The following ENTREP1 variants were observed in gnomAD, a reference collection of about 807,000 sequenced individuals.
ENTREP1 encodes the protein endosomal transmembrane epsin interactor 1.
the ENTREP1 span, among the ~76,000 whole-genome samples, chr9:69,371,037 A>T: frequency 1.3e-5 from 2 of 152,186 alleles, no homozygotes; most frequent in Non-Finnish European, 2.9e-5. Context: ...ACTGAAAAAA[A>T]GACCCATTTT....
the ENTREP1 span, among the ~76,000 whole-genome samples, chr9:69,349,338 G>A: frequency 2.6e-5 from 4 of 151,920 alleles, no homozygotes; most frequent in South Asian, 4.2e-4. Context: ...CATGTTTAAC[G>A]TTTTGAGAAA....
chr9:69,383,581 G>A, the ENTREP1 span: 501 of 1,610,236 alleles, frequency 3.1e-4, 1 homozygote, highest in Non-Finnish European at 4.1e-4. Context: ...CTGCAGTCAC[G>A]TGGCCAGTCT....
the ENTREP1 span, among the ~76,000 whole-genome samples, chr9:69,366,941 G>A: frequency 6.6e-6 from 1 of 151,940 alleles, no homozygotes; most frequent in East Asian, 1.9e-4. Context: ...TTTTGAGACA[G>A]GTTGTTGGCC....
chr9:69,383,194 A>G, the ENTREP1 span: 1 of 858,706 alleles, frequency 1.2e-6, no homozygotes, highest in Non-Finnish European at 1.4e-6. Context: ...AATGAAATTA[A>G]CCAAAGTATA....
the ENTREP1 span, chr9:69,380,192 T>G: frequency 2.0e-5 from 3 of 152,224 alleles, no homozygotes; most frequent in Non-Finnish European, 4.4e-5. Context: ...TTTTTGGAAA[T>G]TTTACCAATA....
the ENTREP1 span, among the ~76,000 whole-genome samples, chr9:69,362,451 A>G: frequency 6.6e-6 from 1 of 152,226 alleles, no homozygotes; most frequent in African/African-American, 2.4e-5. Flanking sequence ...GCTGAGATGA[A>G]TTCAAAATAC....
the ENTREP1 span, among the ~76,000 whole-genome samples, chr9:69,362,725 A>G: frequency 6.6e-6 from 1 of 152,100 alleles, no homozygotes; most frequent in Non-Finnish European, 1.5e-5. Context: ...GGAAAGGCAG[A>G]CCCACCTTTA....
At chr9:69,375,987 T>G in the ENTREP1 span, 1 of 996,912 alleles carries the variant, frequency 1.0e-6, no homozygotes, top group Non-Finnish European at 1.5e-6. Flanking sequence ...TGAAAGCGCA[T>G]GTGAGTGACC....
chr9:69,383,947 G>A, the ENTREP1 span: 1 of 1,613,076 alleles, frequency 6.2e-7, no homozygotes, highest in Non-Finnish European at 8.5e-7. Flanking sequence ...TGTGATGCAG[G>A]GATCTTCATT....
At chr9:69,340,817 G>A in the ENTREP1 span, among the ~76,000 whole-genome samples, 2 of 151,282 alleles carry the variant, frequency 1.3e-5, no homozygotes, top group Non-Finnish European at 1.5e-5. Context: ...GTGTGTATGT[G>A]TGTGTGTGTG....
chr9:69,369,490 A>G, the ENTREP1 span, among the ~76,000 whole-genome samples: 1 of 152,006 alleles, frequency 6.6e-6, no homozygotes, highest in South Asian at 2.1e-4. Context: ...CCTCTCCAGC[A>G]TTTGTTGTTT....
At chr9:69,339,104 C>G in the ENTREP1 span, among the ~76,000 whole-genome samples, 3 of 152,116 alleles carry the variant, frequency 2.0e-5, no homozygotes, top group Non-Finnish European at 4.4e-5. Context: ...ATTGCAGCCT[C>G]AAACTCCTGG....
At chr9:69,375,112 A>G in the ENTREP1 span, among the ~76,000 whole-genome samples, 1 of 152,312 alleles carries the variant, frequency 6.6e-6, no homozygotes, top group South Asian at 2.1e-4. Flanking sequence ...AGACTGGCTC[A>G]CTCCAGAGGT....
the ENTREP1 span, among the ~76,000 whole-genome samples, chr9:69,343,816 T>G: frequency 1.3e-5 from 2 of 152,172 alleles, no homozygotes; most frequent in Non-Finnish European, 2.9e-5. Context: ...TGTTGGGAGA[T>G]AAAGATAAGG....
the ENTREP1 span, among the ~76,000 whole-genome samples, chr9:69,378,346 C>T: frequency 6.6e-6 from 1 of 152,170 alleles, no homozygotes; most frequent in African/African-American, 2.4e-5. Flanking sequence ...TACTTATTTT[C>T]CTTTTCAAAT....
At chr9:69,376,110 G>A in the ENTREP1 span, among the ~76,000 whole-genome samples, 1 of 152,146 alleles carries the variant, frequency 6.6e-6, no homozygotes, top group African/African-American at 2.4e-5. Flanking sequence ...ATGGAAAGGA[G>A]CCTGACTATA....
chr9:69,334,059 A>G, the ENTREP1 span, among the ~76,000 whole-genome samples: 3 of 152,358 alleles, frequency 2.0e-5, no homozygotes, highest in South Asian at 6.2e-4. Context: ...AGTGAGGACC[A>G]GACAAGTGAA....
the ENTREP1 span, among the ~76,000 whole-genome samples, chr9:69,340,647 G>T: frequency 7.5e-4 from 109 of 144,872 alleles, 7 homozygotes; most frequent in African/African-American, 2.7e-3. Context: ...GTGCATGTGT[G>T]TGTGCATGTG....
chr9:69,326,921 G>A, the ENTREP1 span, among the ~76,000 whole-genome samples: 1 of 149,420 alleles, frequency 6.7e-6, no homozygotes, highest in Non-Finnish European at 1.5e-5. Context: ...AATGCTGCTA[G>A]GTTTTAGTAA....
Sources: gnomAD v4.1 joint callset for allele counts (sites outside exome capture counted in the v4.1 genomes callset) on GRCh38, gnomAD v4.1.1 for gene constraint, MANE v1.5 for transcripts, NCBI Gene and HGNC (gene_info 2026-07-23, HGNC 2026-07-21) for gene names.